The following SAMSN1 variants were observed in gnomAD, a reference collection of about 807,000 sequenced individuals.
The protein encoded by SAMSN1 is SAM domain, SH3 domain and nuclear localization signals 1.
SAMSN1 carries 31 observed loss-of-function variants against 42.0 expected under a neutral mutation model. That is an observed-to-expected ratio of 0.74 (90% CI 0.55 to 1.00). The LOEUF (loss-of-function observed/expected upper bound fraction) is 1.00, where lower values mean the gene tolerates loss of function less well. Ranked by LOEUF, SAMSN1 falls within the 50% of genes least tolerant of loss-of-function variation. SAMSN1 has a pLI of 0.00. For missense variants in SAMSN1, 464 were observed against 439.4 expected (o/e 1.06, Z -0.50); for synonymous variants, 178 against 151.9 (o/e 1.17, Z -1.26).
chr21:14,590,788 T>C (rs938685707), intron 7 of SAMSN1, among the ~76,000 whole-genome samples: 1 of 152,180 alleles, frequency 6.6e-6, no homozygotes, highest in East Asian at 1.9e-4. Flanking sequence ...GTTGAATTAT[T>C]AAACCCCTAA....
intron 2 of SAMSN1, among the ~76,000 whole-genome samples, chr21:14,565,500 G>T (rs1981089245): frequency 6.6e-6 from 1 of 152,060 alleles, no homozygotes; most frequent in African/African-American, 2.4e-5. Context: ...CAATTGCCTT[G>T]CTGGTTTTGT....
upstream of SAMSN1, among the ~76,000 whole-genome samples, chr21:14,586,624 TAAG>T (rs984747726): frequency 1.3e-5 from 2 of 152,040 alleles, no homozygotes; most frequent in African/African-American, 4.8e-5. Context: ...TATATAAACA[TAAG>T]AATGTGACAT....
intron 2 of SAMSN1, among the ~76,000 whole-genome samples, chr21:14,631,068 C>T (rs1983315370): frequency 6.6e-6 from 1 of 152,074 alleles, no homozygotes; most frequent in South Asian, 2.1e-4. Flanking sequence ...TTTTTAAGAC[C>T]TTTTGTGAAA....
At chr21:14,614,824 A>G (rs1982795364) in intron 3 of SAMSN1, among the ~76,000 whole-genome samples, 1 of 151,820 alleles carries the variant, frequency 6.6e-6, no homozygotes, top group African/African-American at 2.4e-5. Context: ...GTAGGCCAAA[A>G]AAAAGAAATT....
chr21:14,651,500 A>G (rs529053017), intron 1 of SAMSN1, among the ~76,000 whole-genome samples: 1 of 152,114 alleles, frequency 6.6e-6, no homozygotes, highest in East Asian at 1.9e-4. Flanking sequence ...ATGATAAAAA[A>G]ATACCTAAAA....
At chr21:14,601,453 T>C (rs1334741630) in intron 6 of SAMSN1, among the ~76,000 whole-genome samples, 1 of 152,190 alleles carries the variant, frequency 6.6e-6, no homozygotes, top group East Asian at 1.9e-4. Context: ...AATGAAACTA[T>C]CAGAATGATT....
In SAMSN1 at chr21:14,577,236, GTGTATATATATATATATATATATATA is replaced by G. The variant is rs1347257224; in HGVS notation, c.261+4874_261+4899del. ...ATGGTGGGCTAATTTATATATATGT[GTGTATATATATATATATATATATATA>G]TATATATATATATATATATATATTT... On this transcript the variant is annotated intron_variant, in intron 2 of 8. Transcript: ENST00000285670. Among the ~76,000 whole-genome samples the G allele has an allele frequency of 2.7e-3, 82 of 30,854 alleles. 3 individuals are homozygous for G. The highest frequency in any genetic ancestry group is 0.011 in the South Asian group (7 of 652). 20.2% of individuals were successfully genotyped at this position (30,854 alleles called of 152,430 possible). A position where few individuals can be genotyped will look rare whatever the true frequency, so the allele number is the denominator to read the frequency against.
At chr21:14,519,923 C>T (rs56267085) in intron 2 of SAMSN1, among the ~76,000 whole-genome samples, 5,776 of 152,154 alleles carry the variant, frequency 0.038, 348 homozygotes, top group African/African-American at 0.13. Context: ...GATAATATGG[C>T]AAACTTTGGA....
intron 2 of SAMSN1, among the ~76,000 whole-genome samples, chr21:14,578,657 T>C (rs1447647010): frequency 8.1e-6 from 1 of 123,370 alleles, no homozygotes; most frequent in Middle Eastern, 5.1e-3. Flanking sequence ...CACTCCAGCC[T>C]GGGCGACAGG....
At chr21:14,556,342 C>G (rs985607668) in intron 2 of SAMSN1, among the ~76,000 whole-genome samples, 1 of 152,108 alleles carries the variant, frequency 6.6e-6, no homozygotes, top group Non-Finnish European at 1.5e-5. Flanking sequence ...AGATGAAATA[C>G]TCCAATTGCA....
intron 6 of SAMSN1, among the ~76,000 whole-genome samples, chr21:14,601,597 C>T (rs1350019585): frequency 6.6e-6 from 1 of 152,122 alleles, no homozygotes; most frequent in Admixed American, 6.6e-5. Flanking sequence ...TGTTACATTA[C>T]TATTATTAGT....
intron 2 of SAMSN1, 26 bp downstream of exon 2, chr21:14,521,124 T>A (rs1204639654): frequency 7.0e-7 from 1 of 1,421,982 alleles, no homozygotes; most frequent in Non-Finnish European, 9.8e-7. Context: ...TGCATAACAT[T>A]CATAAAAATG....
At chr21:14,614,123 T>C (rs1239407539) in intron 3 of SAMSN1, among the ~76,000 whole-genome samples, 1 of 152,206 alleles carries the variant, frequency 6.6e-6, no homozygotes, top group African/African-American at 2.4e-5. Context: ...TAATAGTGAC[T>C]GTATATTTGG....
rs144052020 is a variant in SAMSN1, at chr21:14,576,123, T to C, written c.261+6013A>G. On this transcript the variant is annotated intron_variant, in intron 2 of 8. Coordinates refer to the SAMSN1 transcript ENST00000285670. Reference sequence around the variant, plus strand: ...GTGTGCATCTGGTTAGAAGGAAGATTAGGTGAATGAGTTTAGATTTGACCC... The same window carrying C: ...GTGTGCATCTGGTTAGAAGGAAGATCAGGTGAATGAGTTTAGATTTGACCC... Among the ~76,000 whole-genome samples, 21 of 152,154 alleles carry C rather than the reference T, an allele frequency of 1.4e-4. No individual in the cohort carries two copies. The East Asian group carries it at 3.1e-3, about 22-fold the overall frequency.
chr21:14,558,698 A>AAACAAC (rs139708204), intron 2 of SAMSN1, among the ~76,000 whole-genome samples: 1 of 151,746 alleles, frequency 6.6e-6, no homozygotes, highest in Non-Finnish European at 1.5e-5. Flanking sequence ...ACAAAAACAA[A>AAACAAC]AACAACAACA....
chr21:14,529,589 GAATA>G lies in SAMSN1; in HGVS notation c.58-8372_58-8369del, dbSNP rs1248067391. On this transcript the variant is annotated intron_variant, in intron 1 of 7. Coordinates refer to ENST00000400566, the MANE Select transcript of SAMSN1 (RefSeq NM_022136.5). ...TACTCAGAGTAAGGGCTGTCGGTAT[GAATA>G]AATAAGAATCAACCGTGAGAGAAAT... 7.2e-5 allele frequency among the ~76,000 whole-genome samples: 11 copies of G among 152,252 alleles called. No homozygotes were observed. In the South Asian group the frequency reaches 2.1e-3, roughly 29 times the overall value.
intron 1 of SAMSN1, among the ~76,000 whole-genome samples, chr21:14,655,101 A>G (rs904830453): frequency 6.6e-6 from 1 of 151,942 alleles, no homozygotes; most frequent in African/African-American, 2.4e-5. Context: ...ATTTATGATG[A>G]AACCAAAACA....
upstream of SAMSN1, among the ~76,000 whole-genome samples, chr21:14,551,154 G>A (rs1304263612): frequency 6.6e-6 from 1 of 152,090 alleles, no homozygotes; most frequent in Non-Finnish European, 1.5e-5. Flanking sequence ...AGTGGTTAGA[G>A]TTGCTAGTCA....
At chr21:14,523,081 T>A (rs1281074088) in intron 1 of SAMSN1, among the ~76,000 whole-genome samples, 1 of 152,204 alleles carries the variant, frequency 6.6e-6, no homozygotes, top group Non-Finnish European at 1.5e-5. Context: ...AATATTATTA[T>A]AACAAAATGA....
Sources: allele counts gnomAD v4.1 joint callset (sites outside exome capture counted in the v4.1 genomes callset), GRCh38; gene constraint gnomAD v4.1.1; transcripts MANE v1.5; gene names NCBI Gene and HGNC (gene_info 2026-07-23, HGNC 2026-07-21).